TRPM7: variants seen among roughly 807,000 people sequenced by gnomAD.
The protein encoded by TRPM7 is LTRPC ion channel family member 7.
In TRPM7, 134 loss-of-function variants were observed where a neutral mutation model predicts 229.7. That is an observed-to-expected ratio of 0.58 (90% CI 0.51 to 0.67). The LOEUF is 0.67. Among genes scored for constraint, TRPM7 ranks in the 30% least tolerant of loss-of-function variants. The pLI is 0.00. For missense variants in TRPM7, 1,901 were observed against 2,210.0 expected (o/e 0.86, Z 2.80); for synonymous variants, 699 against 715.2 (o/e 0.98, Z 0.36).
At position 50,624,165 on chromosome 15, in the gene TRPM7, C is replaced by G; in HGVS notation, c.1440+1G>C. 6.2e-7 allele frequency: 1 copy of G among 1,600,322 alleles called. No homozygotes were observed. Among genetic ancestry groups the G allele is most frequent in the Non-Finnish European group, 8.5e-7 (1 of 1,175,856 alleles). ...AATAAAGAATTTTAATGTAGACTTA[C>G]AGTGTTGTAAAGTTCTTCCAGTCTC... On this transcript the variant is annotated splice_donor_variant, in intron 12 of 38. Coordinates refer to ENST00000646667, the MANE Select transcript of TRPM7 (RefSeq NM_017672.6). LOFTEE classifies it high-confidence loss of function.
intron 27 of TRPM7, 123 bp from the exon 28 acceptor site, chr15:50,586,611 C>A: frequency 1.6e-6 from 1 of 610,676 alleles, no homozygotes; most frequent in Non-Finnish European, 2.9e-6. Flanking sequence ...ACCTGGACAC[C>A]AATGGGTGTA....
chr15:50,607,329 C>A lies in TRPM7; in HGVS notation c.2581-1G>T, dbSNP rs1173285822. The A allele has an allele frequency of 6.4e-7, 1 of 1,560,686 alleles. No individual in the cohort carries two copies. Among genetic ancestry groups the A allele is most frequent in the Non-Finnish European group, 8.6e-7 (1 of 1,157,774 alleles). ...GCATCAGAAATCCTAAATATGCCAACTAATGAAAAAGTAAAGGTTACATAA... is the reference window on the plus strand; with the variant it reads ...GCATCAGAAATCCTAAATATGCCAAATAATGAAAAAGTAAAGGTTACATAA... On this transcript the variant is annotated splice_acceptor_variant, in intron 19 of 38. Coordinates refer to ENST00000646667, the MANE Select transcript of TRPM7 (RefSeq NM_017672.6). LOFTEE classifies it high-confidence loss of function.
Position 50,599,106 on chromosome 15 carries a change from A to T in TRPM7, c.3163+16T>A. 6.4e-7 allele frequency: 1 copy of T among 1,552,822 alleles called. No homozygotes were observed. The highest frequency in any genetic ancestry group is 8.8e-7 in the Non-Finnish European group (1 of 1,142,452). On this transcript the variant is annotated intron_variant, in intron 22 of 38. Coordinates refer to ENST00000646667, the MANE Select transcript of TRPM7 (RefSeq NM_017672.6). The stretch of plus-strand genomic sequence containing the variant: ...AAAATAACCAAAAGATAAATCTGTA[A>T]ATATACAATTCTTACCATCAATTTC...
intron 26 of TRPM7, among the ~76,000 whole-genome samples, chr15:50,589,862 G>GTTTTTT (rs1293541857): frequency 7.0e-6 from 1 of 142,288 alleles, no homozygotes; most frequent in East Asian, 2.0e-4. Context: ...TTTGTTTTTT[G>GTTTTTT]TTTTTTTAAA....
Position 50,596,257 on chromosome 15 carries a change from G to T in TRPM7, c.3288C>A (p.Phe1096Leu). ...AAACAATTGAACAAAATTCTTACTTGAAAAATGCAATAAGAAGATTAACCA... is the reference window on the plus strand; with the variant it reads ...AAACAATTGAACAAAATTCTTACTTTAAAAATGCAATAAGAAGATTAACCA... ...IIMVNLLIAF[F>L]NNVYLQVKAI... is the part of the protein sequence containing the mutation. Residue 1096 changes from phenylalanine (F) to leucine (L), a missense_variant and splice_region_variant, in exon 23 of 39, where the codon TTC (phenylalanine) becomes TTA (leucine). Transcript: ENST00000646667. 6.7e-7 allele frequency: 1 copy of T among 1,497,428 alleles called. No individual in the cohort carries two copies. The highest frequency in any genetic ancestry group is 1.4e-5 in the South Asian group (1 of 72,482). The allele number at this position is 1,497,428 out of a possible 1,614,324, so 92.8% of individuals were successfully genotyped here. A position where few individuals can be genotyped will look rare whatever the true frequency, so the allele number is the denominator to read the frequency against.
chr15:50,597,571 A>G (rs17520224), intron 22 of TRPM7, among the ~76,000 whole-genome samples: 5,641 of 152,264 alleles, frequency 0.037, 157 homozygotes, highest in Non-Finnish European at 0.052. Context: ...AAAAAACTAT[A>G]CTCAATGCTT....
At position 50,638,098 on chromosome 15, in the gene TRPM7, G is replaced by A. The variant is rs532734822; in HGVS notation, c.661-505C>T. ...TGGGAGGCCGGGCGCGGTGGCTCAC[G>A]CCTGTAATCCCAGCACTTTGGGAGG... On this transcript the variant is annotated intron_variant, in intron 6 of 38. Coordinates refer to ENST00000646667, the MANE Select transcript of TRPM7 (RefSeq NM_017672.6). Among the ~76,000 whole-genome samples the A allele has an allele frequency of 4.6e-5, 7 of 151,958 alleles. No individual in the cohort carries two copies. The East Asian group carries it at 9.7e-4, about 21-fold the overall frequency.
chr15:50,592,126 T>G lies in TRPM7; in HGVS notation c.4109A>C (p.His1370Pro). The G allele has an allele frequency of 6.2e-7, 1 of 1,613,396 alleles. No homozygotes were observed. The highest frequency in any genetic ancestry group is 8.5e-7 in the Non-Finnish European group (1 of 1,179,728). The change falls in exon 26 of 39, where the codon CAT becomes CCT. Residue 1370 changes from histidine (H) to proline (P), a missense_variant. Transcript: ENST00000646667. ...VSPPELRQRL[H>P]GVELLKIFNK... ...AAATATTTTTAAGAGTTCTACCCCA[T>G]GTAGTCTCTGTCGCAGTTCTGGAGG...
chr15:50,585,540 TAACC>T (rs2054658873), intron 28 of TRPM7, among the ~76,000 whole-genome samples: 1 of 152,242 alleles, frequency 6.6e-6, no homozygotes, highest in South Asian at 2.1e-4. Context: ...TACTGAATGT[TAACC>T]AAATCAGCTG....
chr15:50,574,169 G>T, intron 36 of TRPM7, 105 bp downstream of exon 36: 2 of 895,446 alleles, frequency 2.2e-6, no homozygotes, highest in Non-Finnish European at 3.5e-6. Flanking sequence ...AGCTTCTATT[G>T]GCCTAAGATT....
At chr15:50,642,679 C>G (rs1366870903) in intron 5 of TRPM7, among the ~76,000 whole-genome samples, 1 of 152,308 alleles carries the variant, frequency 6.6e-6, no homozygotes, top group East Asian at 1.9e-4. Flanking sequence ...TCATGCTGAA[C>G]TGTGGGTCAA....
chr15:50,671,641 G>A (rs558373114), intron 1 of TRPM7, among the ~76,000 whole-genome samples: 10 of 94,918 alleles, frequency 1.1e-4, no homozygotes, highest in Non-Finnish European at 2.0e-4. Context: ...AGATCCTGTC[G>A]CTACAAAAGT....
chr15:50,647,613 C>T (rs1470278188), intron 4 of TRPM7, among the ~76,000 whole-genome samples: 1 of 151,966 alleles, frequency 6.6e-6, no homozygotes, highest in African/African-American at 2.4e-5. Flanking sequence ...GGCATGGTGG[C>T]ACACACTTGT....
In TRPM7 at chr15:50,611,199, G is replaced by A. The variant is rs760129582; in HGVS notation, c.2174C>T (p.Ala725Val). ...NWSNSTCLKL[A>V]VSSRLRPFVA... ...AAAAGGTCTAAGTCTTGAAGAAACT[G>A]CTAACTTAAGGCAGGTTGAATTACT... The change falls in exon 17 of 39, where the codon GCA becomes GTA. Residue 725 changes from alanine (A) to valine (V), a missense_variant. Ala to Val is a moderately conservative substitution (Grantham distance 64). Around this residue, in one of 8 missense-constraint regions of TRPM7, gnomAD observed 794 missense variants for 881.9 expected, o/e 0.90. Transcript: ENST00000646667. 5 of 1,613,956 alleles carry A rather than the reference G, an allele frequency of 3.1e-6. No homozygotes were observed. The highest frequency in any genetic ancestry group is 1.7e-4 in the Middle Eastern group (1 of 6,058).
intron 2 of TRPM7, among the ~76,000 whole-genome samples, chr15:50,661,276 A>C (rs2061715173): frequency 6.6e-6 from 1 of 152,158 alleles, no homozygotes; most frequent in Non-Finnish European, 1.5e-5. Flanking sequence ...CACCAGGCCT[A>C]TTAACTACCA....
At chr15:50,581,048 C>A in intron 29 of TRPM7, 140 bp from the exon 30 acceptor site, 2 of 663,308 alleles carry the variant, frequency 3.0e-6, no homozygotes, top group Middle Eastern at 6.2e-4. Context: ...TTTCATAAAA[C>A]AATAAATTTA....
Position 50,574,270 on chromosome 15 carries a change from T to TTACCTTGCAAATCAAG in TRPM7, c.5296_5308+3dup. On this transcript the variant is annotated splice_donor_region_variant and intron_variant, in intron 36 of 38. Coordinates refer to ENST00000646667, the MANE Select transcript of TRPM7 (RefSeq NM_017672.6). The stretch of plus-strand genomic sequence containing the variant: ...TCACCTTAGCAATATTTTAATAAAT[T>TTACCTTGCAAATCAAG]TACCTTGCAAATCAAGTACCAGTAA... The TTACCTTGCAAATCAAG allele has an allele frequency of 6.2e-7, 1 of 1,611,408 alleles. No homozygotes were observed. Among genetic ancestry groups the TTACCTTGCAAATCAAG allele is most frequent in the South Asian group, 1.1e-5 (1 of 91,016 alleles).
chr15:50,638,692 G>GTATA (rs906173042), intron 6 of TRPM7, among the ~76,000 whole-genome samples: 2 of 152,084 alleles, frequency 1.3e-5, no homozygotes, highest in African/African-American at 4.8e-5. Flanking sequence ...ATGTATGTAT[G>GTATA]TATGTATGTA....
chr15:50,606,800 A>G (rs2059929835), intron 20 of TRPM7, among the ~76,000 whole-genome samples: 1 of 152,170 alleles, frequency 6.6e-6, no homozygotes, highest in Non-Finnish European at 1.5e-5. Flanking sequence ...CGCCTGGCCT[A>G]AAGACCTATT....
Sources: allele counts gnomAD v4.1 joint callset (sites outside exome capture counted in the v4.1 genomes callset), GRCh38; gene constraint gnomAD v4.1.1; regional missense constraint gnomAD v4.1.1; transcripts MANE v1.5; gene names NCBI Gene and HGNC (gene_info 2026-07-23, HGNC 2026-07-21).